Variants in CEP128 observed in about 807,000 individuals in gnomAD.
CEP128 encodes the protein centrosomal protein 128kDa.
A neutral mutation model predicts 156.7 loss-of-function variants in CEP128; 132 were observed. The ratio of observed to expected loss-of-function variants is 0.84; its 90% CI spans 0.73 to 0.97. The LOEUF (loss-of-function observed/expected upper bound fraction) is 0.97. CEP128 is among the 50% of genes least tolerant of loss of function. CEP128 has a pLI of 0.00. For missense variants in CEP128, 1,252 were observed against 1,281.9 expected (o/e 0.98, Z 0.36); for synonymous variants, 469 against 448.9 (o/e 1.04, Z -0.57).
intron 9 of CEP128, among the ~76,000 whole-genome samples, chr14:80,850,916 A>G (rs1886858140): frequency 6.6e-6 from 1 of 152,190 alleles, no homozygotes; most frequent in South Asian, 2.1e-4. Flanking sequence ...ATTATGTTTA[A>G]TTTAACTATG....
intron 18 of CEP128, among the ~76,000 whole-genome samples, chr14:80,750,677 G>T (rs1899344618): frequency 1.3e-5 from 2 of 152,086 alleles, no homozygotes; most frequent in Admixed American, 1.3e-4. Flanking sequence ...TATGGTCACT[G>T]CTACTCCTAA....
chr14:80,862,713 T>C, intron 9 of CEP128, 44 bp downstream of exon 9: 1 of 1,290,612 alleles, frequency 7.7e-7, no homozygotes, highest in Non-Finnish European at 1.1e-6. Flanking sequence ...TAAATAAACA[T>C]CCAAATTCAA....
Position 80,497,469 on chromosome 14 carries a change from A to T in CEP128, c.*10T>A, listed in dbSNP as rs1160450129. 2.6e-6 allele frequency: 4 copies of T among 1,554,368 alleles called. No individual in the cohort carries two copies. In the East Asian group the frequency reaches 9.0e-5, roughly 35 times the overall value. On this transcript the variant is annotated 3_prime_UTR_variant, in exon 25 of 25. Transcript: ENST00000555265. ...ATACTCATGTAAAATAACAAATTACATTTGCTTTTTTAGCTCCCATATTCC... is the reference window on the plus strand; with the variant it reads ...ATACTCATGTAAAATAACAAATTACTTTTGCTTTTTTAGCTCCCATATTCC...
intron 4 of CEP128, among the ~76,000 whole-genome samples, chr14:80,911,419 T>C (rs1458048521): frequency 6.6e-6 from 1 of 152,234 alleles, no homozygotes; most frequent in Admixed American, 6.5e-5. Flanking sequence ...GGTAGGAGAA[T>C]TGCTTTAGCC....
chr14:80,800,853 C>A (rs1201930741), intron 13 of CEP128, among the ~76,000 whole-genome samples: 1 of 152,140 alleles, frequency 6.6e-6, no homozygotes, highest in Non-Finnish European at 1.5e-5. Flanking sequence ...TTGCTATTAA[C>A]TATTAGAAAC....
At chr14:80,559,949 T>C (rs1890599225) in intron 20 of CEP128, among the ~76,000 whole-genome samples, 1 of 152,168 alleles carries the variant, frequency 6.6e-6, no homozygotes, top group African/African-American at 2.4e-5. Flanking sequence ...TAAGAAAATG[T>C]TTGTATTCTC....
chr14:80,483,878 G>C (rs1887104836), intron 14 of CEP128, among the ~76,000 whole-genome samples: 1 of 152,170 alleles, frequency 6.6e-6, no homozygotes, highest in South Asian at 2.1e-4. Flanking sequence ...TTTCTATGTA[G>C]CTTTTAAAGC....
chr14:80,797,748 G>A (rs1189768882), intron 13 of CEP128, among the ~76,000 whole-genome samples: 4 of 152,052 alleles, frequency 2.6e-5, no homozygotes, highest in Admixed American at 2.6e-4. Flanking sequence ...TATACATAGA[G>A]CACATAAGTG....
intron 19 of CEP128, among the ~76,000 whole-genome samples, chr14:80,590,413 C>A (rs1892002149): frequency 6.6e-6 from 1 of 151,930 alleles, no homozygotes; most frequent in Non-Finnish European, 1.5e-5. Flanking sequence ...ATAAAATGCT[C>A]ATTAGAAACC....
chr14:80,754,996 G>A (rs959014901), intron 18 of CEP128, among the ~76,000 whole-genome samples: 2 of 152,152 alleles, frequency 1.3e-5, no homozygotes, highest in Non-Finnish European at 2.9e-5. Context: ...TATTGAGCCT[G>A]GGTGTGTCTG....
chr14:80,833,772 G>A (rs898468631), intron 12 of CEP128, among the ~76,000 whole-genome samples: 1 of 152,168 alleles, frequency 6.6e-6, no homozygotes, highest in Non-Finnish European at 1.5e-5. Flanking sequence ...ACTGACCAAA[G>A]CATGCTTAAG....
At chr14:80,824,054 C>T (rs1202955300) in intron 13 of CEP128, among the ~76,000 whole-genome samples, 5 of 152,228 alleles carry the variant, frequency 3.3e-5, no homozygotes, top group Admixed American at 2.0e-4. Context: ...TCTGTGCACC[C>T]GTACACTCAA....
intron 19 of CEP128, among the ~76,000 whole-genome samples, chr14:80,732,255 A>T (rs1374756566): frequency 6.6e-6 from 1 of 152,226 alleles, no homozygotes; most frequent in African/African-American, 2.4e-5. Flanking sequence ...TTTTAACTGC[A>T]ATGGAGTGGT....
intron 2 of CEP128, among the ~76,000 whole-genome samples, chr14:80,950,048 G>C (rs935980758): frequency 6.6e-6 from 1 of 152,160 alleles, no homozygotes; most frequent in Admixed American, 6.5e-5. Context: ...AGGTTATAAT[G>C]GATTAGCATG....
chr14:80,613,875 T>C (rs1893106929), intron 19 of CEP128, among the ~76,000 whole-genome samples: 1 of 152,142 alleles, frequency 6.6e-6, no homozygotes, highest in Admixed American at 6.5e-5. Flanking sequence ...ATGGGCAGGT[T>C]ATATGGAAAT....
chr14:80,840,730 C>T lies in CEP128; in HGVS notation c.801G>A (p.Glu267=). The T allele has an allele frequency of 6.2e-7, 1 of 1,611,546 alleles. No individual in the cohort carries two copies. Among genetic ancestry groups the T allele is most frequent in the Non-Finnish European group, 8.5e-7 (1 of 1,178,516 alleles). Residue 267 remains glutamate (E), a synonymous_variant, in exon 10 of 25, where the codon GAG becomes GAA. Transcript: ENST00000555265. Reference sequence around the variant, plus strand: ...GTCTTAGCTTATTTTTTATTGCCCCCTCATGCTCATCTGCTTTAGCTTCTT... The same window carrying T: ...GTCTTAGCTTATTTTTTATTGCCCCTTCATGCTCATCTGCTTTAGCTTCTT... ...KKQEAKADEH[E]GAIKNKLRQT... is the part of the protein sequence containing the mutation.
intron 6 of CEP128, among the ~76,000 whole-genome samples, chr14:80,491,013 C>T (rs185539444): frequency 6.6e-6 from 1 of 152,308 alleles, no homozygotes; most frequent in East Asian, 1.9e-4. Context: ...AATACTGCTG[C>T]TGCAGGTTTT....
At chr14:80,783,168 C>T (rs1040250822) in intron 15 of CEP128, among the ~76,000 whole-genome samples, 1 of 152,072 alleles carries the variant, frequency 6.6e-6, no homozygotes, top group Non-Finnish European at 1.5e-5. Context: ...TGCTAAAAAA[C>T]AACAACAAAA....
intron 23 of CEP128, among the ~76,000 whole-genome samples, chr14:80,520,016 T>G (rs76220145): frequency 0.011 from 1,710 of 152,292 alleles, 33 homozygotes; most frequent in African/African-American, 0.039. Context: ...AGCACTAACA[T>G]TTTATGATTC....
Sources: allele counts gnomAD v4.1 joint callset (sites outside exome capture counted in the v4.1 genomes callset), GRCh38; gene constraint gnomAD v4.1.1; transcripts MANE v1.5; gene names NCBI Gene and HGNC (gene_info 2026-07-23, HGNC 2026-07-21).